The following TTLL3 variants were observed in gnomAD, a reference collection of about 807,000 sequenced individuals.
TTLL3 encodes tubulin tyrosine ligase like 3, also known as tubulin monoglycylase TTLL3.
TTLL3 carries 63 observed loss-of-function variants against 75.2 expected under a neutral mutation model. The observed-to-expected ratio is 0.84, with a 90% CI of 0.68 to 1.03. The LOEUF (loss-of-function observed/expected upper bound fraction) is 1.03, where lower values mean the gene tolerates loss of function less well. Ranked by LOEUF, TTLL3 falls within the 50% of genes least tolerant of loss-of-function variation. The probability of loss-of-function intolerance (pLI) is 0.00; values close to 1 mark genes in which losing one functional copy is unlikely to be tolerated. For missense variants in TTLL3, 997 were observed against 1,069.9 expected (o/e 0.93, Z 0.95); for synonymous variants, 393 against 418.5 (o/e 0.94, Z 0.74).
intron 4 of TTLL3, 97 bp downstream of exon 4, chr3:9,813,442 T>C: frequency 7.3e-7 from 1 of 1,369,810 alleles, no homozygotes. Context: ...CCTTTCTTTC[T>C]CTGGGCCACA....
intron 7 of TTLL3, 164 bp from the exon 8 acceptor site, chr3:9,820,382 G>C (rs2080297709): frequency 6.7e-7 from 1 of 1,493,972 alleles, no homozygotes; most frequent in African/African-American, 1.4e-5. Context: ...AGTGAATTTA[G>C]AGCAAAGCCT....
In TTLL3 at chr3:9,829,117, C is replaced by T. The variant is rs1195400777; in HGVS notation, c.1405C>T (p.Pro469Ser). Residue 469 changes from proline (P) to serine (S), a missense_variant, in exon 11 of 14, where the codon CCT (proline) becomes TCT (serine). By Grantham distance (74) the Pro-to-Ser change is moderately conservative (BLOSUM62 -1). Coordinates refer to ENST00000685419, the MANE Select transcript of TTLL3 (RefSeq NM_001387446.1). ...AAATGCTTGGTCCACCATCATCGTG[C>T]CTGGCATGAAGGATGCTGTGATCCA... ...APNAWSTIIVPGMKDAVIHAL... is the reference protein window; with the variant it reads ...APNAWSTIIVSGMKDAVIHAL... 2 of 1,614,144 alleles carry T rather than the reference C, an allele frequency of 1.2e-6. No homozygotes were observed. The highest frequency in any genetic ancestry group is 2.7e-5 in the African/African-American group (2 of 74,938).
chr3:9,824,737 C>CTTTTTTTTTTTTTTTTTTTT (rs71052207), intron 8 of TTLL3, among the ~76,000 whole-genome samples: 4 of 80,672 alleles, frequency 5.0e-5, no homozygotes, highest in Non-Finnish European at 9.8e-5. Context: ...CTTTTCTTTT[C>CTTTTTTTTTTTTTTTTTTTT]TTTTTTTTTT....
At position 9,835,402 on chromosome 3, in the gene TTLL3, G is replaced by T. The variant is rs375794831; in HGVS notation, c.2361G>T (p.Lys787Asn). 3.1e-6 allele frequency: 5 copies of T among 1,613,466 alleles called. No homozygotes were observed. Among genetic ancestry groups the T allele is most frequent in the Non-Finnish European group, 4.2e-6 (5 of 1,180,042 alleles). The change falls in exon 14 of 14, where the codon AAG (lysine) becomes AAT (asparagine). Residue 787 changes from lysine to asparagine, a missense_variant. Physicochemically the swap from Lys to Asn is moderately conservative, Grantham distance 94. Coordinates refer to ENST00000685419, the MANE Select transcript of TTLL3 (RefSeq NM_001387446.1). ...DPTPNKKKQVKYLGLDSIAVG... is the reference protein window; with the variant it reads ...DPTPNKKKQVNYLGLDSIAVG... Reference sequence around the variant, plus strand: ...CACCAAATAAAAAGAAACAAGTGAAGTATTTGGGGCTTGACTCCATTGCTG... The same window carrying T: ...CACCAAATAAAAAGAAACAAGTGAATTATTTGGGGCTTGACTCCATTGCTG...
At chr3:9,834,149 T>G in intron 12 of TTLL3, 2 of 262,688 alleles carry the variant, frequency 7.6e-6, no homozygotes, top group East Asian at 9.0e-5. Context: ...GCCAAATGAG[T>G]ATTGTCTCCT....
At chr3:9,828,916 G>A (rs1322739817) in intron 10 of TTLL3, 44 bp from the exon 11 acceptor site, 1 of 1,602,176 alleles carries the variant, frequency 6.2e-7, no homozygotes, top group Non-Finnish European at 8.5e-7. Flanking sequence ...TTGGATGGGA[G>A]AGACACAAGG....
intron 7 of TTLL3, chr3:9,819,138 C>T: frequency 1.7e-6 from 1 of 594,808 alleles, no homozygotes; most frequent in South Asian, 2.1e-5. Context: ...TACCGATTCA[C>T]CCACCCACCC....
chr3:9,829,479 G>C, intron 11 of TTLL3, 84 bp downstream of exon 11: 1 of 1,476,066 alleles, frequency 6.8e-7, no homozygotes, highest in Non-Finnish European at 9.0e-7. Context: ...GGACTCTGCA[G>C]TCAGACCCAG....
chr3:9,819,370 T>G, intron 7 of TTLL3: 1 of 341,028 alleles, frequency 2.9e-6, no homozygotes. Context: ...CCCAGGTACT[T>G]AGACACTTGT....
rs2081134262 is a variant in TTLL3 at position 9,827,314 on chromosome 3, T to C, written c.1247+74T>C. Reference sequence around the variant, plus strand: ...CTGGCAAGCAAACAGGCGATTACAGTGCAGGGGACTCGCGCAGCAGCGCTA... The same window carrying C: ...CTGGCAAGCAAACAGGCGATTACAGCGCAGGGGACTCGCGCAGCAGCGCTA... On this transcript the variant is annotated intron_variant, in intron 10 of 13. Transcript: ENST00000685419. 4 of 1,576,422 alleles carry C rather than the reference T, an allele frequency of 2.5e-6. No individual in the cohort carries two copies. The South Asian group carries it at 3.6e-5, about 14-fold the overall frequency.
rs1282015958 is a variant in TTLL3, at chr3:9,835,215, C to T, written c.2174C>T (p.Pro725Leu). 6.2e-7 allele frequency: 1 copy of T among 1,614,166 alleles called. No homozygotes were observed. The highest frequency in any genetic ancestry group is 2.2e-5 in the East Asian group (1 of 44,882). ...TCAAGGCCAAAGGCAAATTCAAGGC[C>T]AGACTGTGACAAACCCAGGGCTGAG... ...GRSRPKANSR[P>L]DCDKPRAEAC... Residue 725 changes from proline (P) to leucine (L), a missense_variant, in exon 14 of 14, where the codon CCA (proline) becomes CTA (leucine). Pro to Leu is a moderately conservative substitution (Grantham distance 98). Transcript: ENST00000685419.
chr3:9,820,774 G>A (rs762450908), intron 8 of TTLL3, 33 bp downstream of exon 8: 1 of 1,611,454 alleles, frequency 6.2e-7, no homozygotes, highest in East Asian at 2.2e-5. Context: ...TTTGGGCTGT[G>A]GGCAGGTGCT....
At chr3:9,826,498 C>T (rs1250146778) in intron 9 of TTLL3, among the ~76,000 whole-genome samples, 1 of 152,026 alleles carries the variant, frequency 6.6e-6, no homozygotes, top group Non-Finnish European at 1.5e-5. Context: ...TCTGGGAGGC[C>T]GAGGCGGGTG....
Position 9,820,599 on chromosome 3 carries a change from T to A in TTLL3, c.712T>A (p.Phe238Ile), listed in dbSNP as rs1223119710. 1 of 1,613,358 alleles carries A rather than the reference T, an allele frequency of 6.2e-7. No individual in the cohort carries two copies. Among genetic ancestry groups the A allele is most frequent in the Admixed American group, 1.7e-5 (1 of 59,934 alleles). ...AAACCCAGTGTTGGTGTCCCCAGAG[T>A]TTGTGGATGAAGCTCTGTGTGCGTG... Reference protein sequence around the residue: ...EKNPVLVSPEFVDEALCACEE... With the variant: ...EKNPVLVSPEIVDEALCACEE... Residue 238 changes from phenylalanine (F) to isoleucine (I), a missense_variant, in exon 8 of 14, where the codon TTT (phenylalanine) becomes ATT (isoleucine). By Grantham distance (21) the Phe-to-Ile change is conservative. Coordinates refer to ENST00000685419, the MANE Select transcript of TTLL3 (RefSeq NM_001387446.1).
At position 9,815,844 on chromosome 3, in the gene TTLL3, C is replaced by A. The variant is rs146848800; in HGVS notation, c.316-230C>A. On this transcript the variant is annotated intron_variant, in intron 4 of 13. Coordinates refer to ENST00000685419, the MANE Select transcript of TTLL3 (RefSeq NM_001387446.1). ...GGAGGCAGAAGAGAGTCTTTGGCCTCCCTAAGGCCAAAAGGAGGCTGAAAG... is the reference window on the plus strand; with the variant it reads ...GGAGGCAGAAGAGAGTCTTTGGCCTACCTAAGGCCAAAAGGAGGCTGAAAG... Among the ~76,000 whole-genome samples, 19 of 152,346 alleles carry A rather than the reference C, an allele frequency of 1.2e-4. No homozygotes were observed. In the East Asian group the frequency reaches 3.7e-3, roughly 29 times the overall value.
At position 9,820,641 on chromosome 3, in the gene TTLL3, A is replaced by T. The variant is rs756859027; in HGVS notation, c.754A>T (p.Asn252Tyr). 6.2e-7 allele frequency: 1 copy of T among 1,614,094 alleles called. No individual in the cohort carries two copies. ...GTGTGCGTGCGAGGAGTACCTTAGC[A>T]ACTTGGCCCACATGGACATCGACAA... ...ALCACEEYLS[N>Y]LAHMDIDKDL... Residue 252 changes from asparagine (N) to tyrosine (Y), a missense_variant, in exon 8 of 14, where the codon AAC becomes TAC. By Grantham distance (143) the Asn-to-Tyr change is moderately radical. Coordinates refer to ENST00000685419, the MANE Select transcript of TTLL3 (RefSeq NM_001387446.1).
At position 9,810,698 on chromosome 3, in the gene TTLL3, A is replaced by G; in HGVS notation, c.37A>G (p.Arg13Gly). 1 of 1,586,606 alleles carries G rather than the reference A, an allele frequency of 6.3e-7. No individual in the cohort carries two copies. The highest frequency in any genetic ancestry group is 8.6e-7 in the Non-Finnish European group (1 of 1,166,870). The change falls in exon 2 of 14, where the codon AGA becomes GGA. Residue 13 changes from arginine (R) to glycine (G), a missense_variant. By Grantham distance (125) the Arg-to-Gly change is moderately radical. Transcript: ENST00000685419. This position sits in a 1 kb window ranked among gnomAD's most constrained non-coding sequence, Gnocchi z 4.4. ...RLRNAKIYVE[R>G]AVKQKKIFTI... ...CAGAAACGCCAAAATCTACGTGGAG[A>G]GAGCTGTCAAGGTCAGAGGAGGGGC...
At chr3:9,832,671 TA>T (rs2081666423) in intron 11 of TTLL3, among the ~76,000 whole-genome samples, 1 of 152,174 alleles carries the variant, frequency 6.6e-6, no homozygotes, top group Non-Finnish European at 1.5e-5. Flanking sequence ...TAGTTTCTGC[TA>T]CCCCATAACC....
At chr3:9,814,811 C>T (rs541685633) in intron 4 of TTLL3, among the ~76,000 whole-genome samples, 4 of 151,672 alleles carry the variant, frequency 2.6e-5, no homozygotes, top group Admixed American at 6.6e-5. Flanking sequence ...ACAGAACAAG[C>T]GATAACTCCA....
Sources: allele counts gnomAD v4.1 joint callset (sites outside exome capture counted in the v4.1 genomes callset), GRCh38; gene constraint gnomAD v4.1.1; non-coding constraint Gnocchi (gnomAD v3.1); transcripts MANE v1.5; gene names NCBI Gene and HGNC (gene_info 2026-07-23, HGNC 2026-07-21).